The following SF3B3 variants were observed in gnomAD, a reference collection of about 807,000 sequenced individuals.
The protein encoded by SF3B3 is splicing factor 3b subunit 3.
In SF3B3, 33 loss-of-function variants were observed where a neutral mutation model predicts 139.2. That is an observed-to-expected ratio of 0.24 (90% CI 0.18 to 0.32). The LOEUF is 0.32. SF3B3 is among the 10% of genes least tolerant of loss of function. The pLI, the probability that SF3B3 is intolerant of heterozygous loss-of-function variation, is 1.00. For synonymous variants in SF3B3, 596 were observed against 563.6 expected, an observed-to-expected ratio of 1.06 and a Z score of -0.81; for missense variants, 818 against 1,509.4, an observed-to-expected ratio of 0.54 and a Z score of 7.59.
intron 15 of SF3B3, among the ~76,000 whole-genome samples, chr16:70,557,278 A>G (rs900339140): frequency 1.2e-4 from 18 of 152,206 alleles, no homozygotes; most frequent in Non-Finnish European, 2.9e-5. Context: ...CTAAGTCAGA[A>G]CTGGATGGGT....
At position 70,560,528 on chromosome 16, in the gene SF3B3, C is replaced by T. The variant is rs1282394776; in HGVS notation, c.2070C>T (p.Arg690=). ...TCACTGGGGATTTGTCTGATACTCG[C>T]ACTCGGTACCTGGGGTCCCGTCCTG... The part of the protein sequence containing the change: ...DPVTGDLSDT[R]TRYLGSRPVK... Residue 690 remains arginine, a synonymous_variant, in exon 16 of 26, where the codon CGC becomes CGT. Coordinates refer to ENST00000302516, the MANE Select transcript of SF3B3 (RefSeq NM_012426.5). 1 of 1,614,002 alleles carries T rather than the reference C, an allele frequency of 6.2e-7. No homozygotes were observed.
intron 1 of SF3B3, chr16:70,524,431 T>G (rs2050029923): frequency 6.6e-6 from 1 of 152,324 alleles, no homozygotes; most frequent in South Asian, 2.1e-4. Flanking sequence ...GATGTTTCCT[T>G]GGAGGATGGA....
intron 8 of SF3B3, among the ~76,000 whole-genome samples, chr16:70,540,533 A>G (rs4538004): frequency 0.047 from 7,121 of 152,044 alleles, 250 homozygotes; most frequent in Non-Finnish European, 0.067. Context: ...AGCTGGGACT[A>G]TTAGCAAGGT....
intron 1 of SF3B3, chr16:70,524,466 A>C (rs544408740): frequency 5.9e-5 from 9 of 152,394 alleles, no homozygotes; most frequent in African/African-American, 2.2e-4. Context: ...CAATCATACA[A>C]GCTTTTTGTA....
chr16:70,525,680 C>G (rs1410353707), intron 1 of SF3B3, among the ~76,000 whole-genome samples: 8 of 151,934 alleles, frequency 5.3e-5, no homozygotes, highest in Non-Finnish European at 1.2e-4. Flanking sequence ...ATACCTTAGT[C>G]TATGGGCTGG....
intron 6 of SF3B3, among the ~76,000 whole-genome samples, chr16:70,536,268 A>T (rs1009015842): frequency 1.3e-5 from 2 of 151,902 alleles, no homozygotes; most frequent in African/African-American, 4.8e-5. Flanking sequence ...CCCGGGTTCA[A>T]GTGATTTTCC....
rs2050417057 is a variant in SF3B3, at chr16:70,560,291, G to A, written c.2011-178G>A. ...ATGCTCCATAACTTTGGATGATTAA[G>A]TGATTTACTGAGAGAATGAAATGAA... On this transcript the variant is annotated intron_variant, in intron 15 of 25. Coordinates refer to ENST00000302516, the MANE Select transcript of SF3B3 (RefSeq NM_012426.5). The A allele has an allele frequency of 1.2e-5, 6 of 506,126 alleles. No homozygotes were observed. The South Asian group carries it at 1.9e-4, about 16-fold the overall frequency. The allele number at this position is 506,126 out of a possible 1,614,324, so 31.4% of individuals were successfully genotyped here. A position where few individuals can be genotyped will look rare whatever the true frequency, so the allele number is the denominator to read the frequency against.
intron 11 of SF3B3, chr16:70,554,103 A>C: frequency 5.9e-6 from 1 of 168,130 alleles, no homozygotes; most frequent in Non-Finnish European, 1.3e-5. Context: ...GTGATTGACA[A>C]CTGGCACAAA....
At chr16:70,532,026 T>G (rs1347661171) in intron 4 of SF3B3, among the ~76,000 whole-genome samples, 1 of 152,202 alleles carries the variant, frequency 6.6e-6, no homozygotes, top group Non-Finnish European at 1.5e-5. Flanking sequence ...TCGTGTACAG[T>G]GGCTCACGCC....
intron 17 of SF3B3, among the ~76,000 whole-genome samples, chr16:70,563,066 C>G (rs1347261263): frequency 6.6e-6 from 1 of 152,112 alleles, no homozygotes; most frequent in Non-Finnish European, 1.5e-5. Context: ...CTCCTGGGCT[C>G]AAGAGATTCT....
rs1168967885 is a variant in SF3B3 at position 70,576,047 on chromosome 16, A to G, written c.*4234A>G. 6.6e-6 allele frequency: 1 copy of G among 151,770 alleles called. No homozygotes were observed. The highest frequency in any genetic ancestry group is 2.4e-5 in the African/African-American group (1 of 41,330). 9.4% of individuals were successfully genotyped at this position (151,770 alleles called of 1,614,324 possible). On this transcript the variant is annotated 3_prime_UTR_variant, in exon 26 of 26. Coordinates refer to ENST00000302516, the MANE Select transcript of SF3B3 (RefSeq NM_012426.5). ...AGCCTAGGAAACAGACCCCATCTCT[A>G]CAAAAAATTCAAAAAGCCGGGCGTG...
At position 70,572,239 on chromosome 16, in the gene SF3B3, A is replaced by C; in HGVS notation, c.*426A>C. On this transcript the variant is annotated 3_prime_UTR_variant, in exon 26 of 26. Coordinates refer to ENST00000302516, the MANE Select transcript of SF3B3 (RefSeq NM_012426.5). ...GTGGGACTGGGTAGGGTATAGTATCACTCCTGAGTTCCACTGCTCTAGAAT... is the reference window on the plus strand; with the variant it reads ...GTGGGACTGGGTAGGGTATAGTATCCCTCCTGAGTTCCACTGCTCTAGAAT... The C allele has an allele frequency of 2.6e-6, 1 of 391,308 alleles. No homozygotes were observed. Among genetic ancestry groups the C allele is most frequent in the Non-Finnish European group, 5.0e-6 (1 of 198,698 alleles). The allele number at this position is 391,308 out of a possible 1,614,324, so 24.2% of individuals were successfully genotyped here.
Position 70,565,565 on chromosome 16 carries a change from T to G in SF3B3, c.2826+41T>G, listed in dbSNP as rs375689391. ...TGGTTCTCCTAGATTTTAAGTCCCA[T>G]TGAATTCTCTCACTTTTGCTTATGT... On this transcript the variant is annotated intron_variant, in intron 20 of 25. Transcript: ENST00000302516. 7.6e-6 allele frequency: 12 copies of G among 1,572,628 alleles called. No individual in the cohort carries two copies. The East Asian group carries it at 2.2e-4, about 29-fold the overall frequency.
chr16:70,539,218 C>A lies in SF3B3; in HGVS notation c.1067+11C>A. The A allele has an allele frequency of 1.3e-6, 2 of 1,569,260 alleles. No individual in the cohort carries two copies. The highest frequency in any genetic ancestry group is 1.1e-5 in the South Asian group (1 of 90,178). ...AGAATTTGGAAACCAGTGAGTAATC[C>A]TTCTGTTACCCTAGTTCACCCTGGT... is the stretch of plus-strand genomic sequence containing the variant. On this transcript the variant is annotated intron_variant, in intron 8 of 25. Transcript: ENST00000302516.
At chr16:70,562,183 C>G (rs929481305) in intron 17 of SF3B3, among the ~76,000 whole-genome samples, 1 of 152,086 alleles carries the variant, frequency 6.6e-6, no homozygotes, top group Non-Finnish European at 1.5e-5. Flanking sequence ...TTATTTAGAC[C>G]TTTTTCAAGT....
chr16:70,565,611 G>T, intron 20 of SF3B3, 87 bp downstream of exon 20: 3 of 1,230,330 alleles, frequency 2.4e-6, no homozygotes, highest in Non-Finnish European at 3.4e-6. Context: ...GTCTTTTGGG[G>T]ACCAGCTCCT....
chr16:70,568,272 GT>G lies in SF3B3; in HGVS notation c.2953-6del. On this transcript the variant is annotated splice_polypyrimidine_tract_variant and intron_variant, in intron 21 of 25. Coordinates refer to ENST00000302516, the MANE Select transcript of SF3B3 (RefSeq NM_012426.5). ...TACACCCACCATCACTATTGTCTTT[GT>G]TTTTCCCAGCATATTGCCAATTATA... The G allele has an allele frequency of 6.3e-7, 1 of 1,599,606 alleles. No homozygotes were observed. Among genetic ancestry groups the G allele is most frequent in the Non-Finnish European group, 8.6e-7 (1 of 1,167,058 alleles).
chr16:70,566,843 G>GT (rs1367070366), intron 20 of SF3B3, among the ~76,000 whole-genome samples: 1 of 152,128 alleles, frequency 6.6e-6, no homozygotes, highest in African/African-American at 2.4e-5. Flanking sequence ...GAGCCCAAGA[G>GT]TTTGAGACCA....
At chr16:70,556,791 G>A in intron 14 of SF3B3, 95 bp from the exon 15 acceptor site, 1 of 1,413,682 alleles carries the variant, frequency 7.1e-7, no homozygotes, top group Non-Finnish European at 9.9e-7. Flanking sequence ...GCATAAGGAA[G>A]TACTTTTTCA....
Sources: gnomAD v4.1 joint callset for allele counts (sites outside exome capture counted in the v4.1 genomes callset) on GRCh38, gnomAD v4.1.1 for gene constraint, MANE v1.5 for transcripts, NCBI Gene and HGNC (gene_info 2026-07-23, HGNC 2026-07-21) for gene names.